PRKN: variants seen among roughly 807,000 people sequenced by gnomAD.
PRKN encodes the protein parkin RBR E3 ubiquitin protein ligase.
A neutral mutation model predicts 59.5 loss-of-function variants in PRKN; 56 were observed. That is an observed-to-expected ratio of 0.94 (90% CI 0.76 to 1.18). The LOEUF (loss-of-function observed/expected upper bound fraction) is 1.18, where lower values mean the gene tolerates loss of function less well. PRKN is among the 50% of genes most tolerant of loss of function. PRKN has a pLI of 0.00. For missense variants in PRKN, 657 were observed against 596.4 expected (o/e 1.10, Z -1.06); for synonymous variants, 250 against 222.1 (o/e 1.13, Z -1.12).
intron 2 of PRKN, among the ~76,000 whole-genome samples, chr6:162,277,127 T>C (rs1363749227): frequency 6.6e-6 from 1 of 152,188 alleles, no homozygotes; most frequent in Non-Finnish European, 1.5e-5. Context: ...ACTGATATAA[T>C]AATTAATTCA....
chr6:161,962,553 T>A (rs1028245517), intron 6 of PRKN, among the ~76,000 whole-genome samples: 2 of 151,302 alleles, frequency 1.3e-5, no homozygotes, highest in Non-Finnish European at 3.0e-5. Context: ...TTTTTTTTTT[T>A]TTTTTGAGAC....
At chr6:162,098,949 A>C (rs1465298464) in intron 4 of PRKN, among the ~76,000 whole-genome samples, 1 of 152,170 alleles carries the variant, frequency 6.6e-6, no homozygotes, top group Non-Finnish European at 1.5e-5. Flanking sequence ...AATATACAAA[A>C]TCTGGAGTCC....
intron 2 of PRKN, among the ~76,000 whole-genome samples, chr6:162,286,365 C>G (rs1230854050): frequency 6.6e-6 from 1 of 152,114 alleles, no homozygotes; most frequent in East Asian, 1.9e-4. Context: ...TCTCAGAAAT[C>G]AATCATTCCT....
intron 1 of PRKN, among the ~76,000 whole-genome samples, chr6:162,452,443 A>AG (rs1562775810): frequency 6.6e-6 from 1 of 152,134 alleles, no homozygotes; most frequent in Non-Finnish European, 1.5e-5. Flanking sequence ...TAGAACATAT[A>AG]ATATGTATGC....
At chr6:161,867,726 T>C (rs1180800588) in intron 6 of PRKN, among the ~76,000 whole-genome samples, 4 of 151,452 alleles carry the variant, frequency 2.6e-5, no homozygotes, top group Non-Finnish European at 4.4e-5. Flanking sequence ...TTAGCAATCA[T>C]GGGAAAAATC....
chr6:162,571,479 A>T (rs1014664397), intron 1 of PRKN, among the ~76,000 whole-genome samples: 1 of 152,180 alleles, frequency 6.6e-6, no homozygotes, highest in African/African-American at 2.4e-5. Context: ...TAGGCAAAAA[A>T]ATTAAAACTG....
At chr6:161,619,348 T>C (rs1782808542) in intron 7 of PRKN, among the ~76,000 whole-genome samples, 1 of 151,484 alleles carries the variant, frequency 6.6e-6, no homozygotes, top group Admixed American at 6.6e-5. Flanking sequence ...TTTCTTCTCC[T>C]TACTTTCCTG....
chr6:161,854,118 A>C (rs1793549429), intron 6 of PRKN, among the ~76,000 whole-genome samples: 1 of 151,014 alleles, frequency 6.6e-6, no homozygotes, highest in Non-Finnish European at 1.5e-5. Flanking sequence ...AGCCAGGCAT[A>C]GTGGCAGGCA....
At chr6:162,555,388 T>C (rs1019777625) in intron 1 of PRKN, among the ~76,000 whole-genome samples, 2 of 152,166 alleles carry the variant, frequency 1.3e-5, no homozygotes, top group Non-Finnish European at 2.9e-5. Context: ...TAATGAGCAA[T>C]TTCAGTCATC....
In PRKN at chr6:161,460,189, T is replaced by C. The variant is rs374575498; in HGVS notation, c.1084-73312A>G. On this transcript the variant is annotated intron_variant, in intron 9 of 11. Coordinates refer to ENST00000366898, the MANE Select transcript of PRKN (RefSeq NM_004562.3). This position sits in a 1 kb window ranked among gnomAD's most constrained non-coding sequence, Gnocchi z 5.0. ...GTGGTAATACAACCAAAGTTTATAATAGGAATATAATCCGTGTTATTTTAG... is the reference window on the plus strand; with the variant it reads ...GTGGTAATACAACCAAAGTTTATAACAGGAATATAATCCGTGTTATTTTAG... 2.6e-5 allele frequency among the ~76,000 whole-genome samples: 4 copies of C among 152,362 alleles called. No individual in the cohort carries two copies. The highest frequency in any genetic ancestry group is 7.2e-5 in the African/African-American group (3 of 41,592).
rs1053987780 is a variant in PRKN, at chr6:161,395,746, G to A, written c.1084-8869C>T. Among the ~76,000 whole-genome samples, 7 of 152,192 alleles carry A rather than the reference G, an allele frequency of 4.6e-5. No individual in the cohort carries two copies. Among genetic ancestry groups the A allele is most frequent in the East Asian group, 1.9e-4 (1 of 5,192 alleles). On this transcript the variant is annotated intron_variant, in intron 9 of 11. Transcript: ENST00000366898. The surrounding 1 kb of genome is among the most constrained non-coding windows in gnomAD (Gnocchi z 5.0). ...TAGCCAAAGCAATTACTCTGACCACGTTTAAGTCTTGTCTACACAGCCAAA... is the reference window on the plus strand; with the variant it reads ...TAGCCAAAGCAATTACTCTGACCACATTTAAGTCTTGTCTACACAGCCAAA...
At chr6:162,062,845 G>A (rs1778154812) in intron 4 of PRKN, among the ~76,000 whole-genome samples, 1 of 152,086 alleles carries the variant, frequency 6.6e-6, no homozygotes, top group Non-Finnish European at 1.5e-5. Context: ...GTACTTGTCA[G>A]AACTCCTCAA....
intron 1 of PRKN, among the ~76,000 whole-genome samples, chr6:162,628,356 C>T (rs1384914297): frequency 3.3e-5 from 5 of 152,038 alleles, no homozygotes; most frequent in Non-Finnish European, 5.9e-5. Flanking sequence ...GAAATAACCT[C>T]GGAGATGAAG....
intron 7 of PRKN, among the ~76,000 whole-genome samples, chr6:161,743,181 A>T (rs559765788): frequency 7.1e-6 from 1 of 139,916 alleles, no homozygotes; most frequent in East Asian, 2.1e-4. Context: ...GGCACTCCCA[A>T]CCTCTCCTTG....
intron 6 of PRKN, among the ~76,000 whole-genome samples, chr6:161,928,632 G>C (rs1779055430): frequency 6.6e-6 from 1 of 152,162 alleles, no homozygotes; most frequent in Non-Finnish European, 1.5e-5. Flanking sequence ...GATACTATTT[G>C]CCAGACGCCA....
intron 4 of PRKN, among the ~76,000 whole-genome samples, chr6:162,194,607 G>A (rs1349301473): frequency 6.6e-6 from 1 of 151,986 alleles, no homozygotes; most frequent in Non-Finnish European, 1.5e-5. Context: ...TATACAGTAT[G>A]CAAATTCTAA....
intron 5 of PRKN, among the ~76,000 whole-genome samples, chr6:162,000,125 T>G (rs1781995371): frequency 6.6e-6 from 1 of 152,110 alleles, no homozygotes; most frequent in South Asian, 2.1e-4. Flanking sequence ...GTCTTTTGTG[T>G]GGACATAAAC....
At chr6:161,535,813 C>T (rs1002100626) in intron 9 of PRKN, among the ~76,000 whole-genome samples, 1 of 152,098 alleles carries the variant, frequency 6.6e-6, no homozygotes, top group African/African-American at 2.4e-5. Flanking sequence ...CATCCCAGCT[C>T]CAGACATTTT....
At chr6:162,412,193 G>A (rs1041324308) in intron 2 of PRKN, among the ~76,000 whole-genome samples, 3 of 152,112 alleles carry the variant, frequency 2.0e-5, no homozygotes, top group East Asian at 1.9e-4. Flanking sequence ...ATATTGGAAC[G>A]ATAAATGACA....
Sources: gnomAD v4.1 joint callset for allele counts (sites outside exome capture counted in the v4.1 genomes callset) on GRCh38, gnomAD v4.1.1 for gene constraint, Gnocchi (gnomAD v3.1) non-coding constraint, MANE v1.5 for transcripts, NCBI Gene and HGNC (gene_info 2026-07-23, HGNC 2026-07-21) for gene names.